Variants in PEG3 observed in about 807,000 individuals in gnomAD.
PEG3 encodes the protein paternally-expressed gene 3 protein.
A neutral mutation model predicts 35.5 loss-of-function variants in PEG3; 23 were observed. The observed-to-expected ratio is 0.65, with a 90% CI of 0.47 to 0.92. The LOEUF (loss-of-function observed/expected upper bound fraction) is 0.92. Among genes scored for constraint, PEG3 ranks in the 40% least tolerant of loss-of-function variants. PEG3 has a pLI of 0.00. For missense variants in PEG3, 1,960 were observed against 1,985.3 expected (o/e 0.99, Z 0.24); for synonymous variants, 707 against 697.0 (o/e 1.01, Z -0.23).
At chr19:56,817,678 G>T in intron 9 of PEG3, 68 bp downstream of exon 9, 1 of 1,542,632 alleles carries the variant, frequency 6.5e-7, no homozygotes, top group Non-Finnish European at 9.0e-7. Context: ...GGAATGCAAA[G>T]TGTAGAAGTT....
chr19:56,837,660 C>T (rs934873474), intron 1 of PEG3, among the ~76,000 whole-genome samples: 2 of 152,344 alleles, frequency 1.3e-5, no homozygotes. Flanking sequence ...GTGCAGCCCG[C>T]GGTCACTCAG....
intron 8 of PEG3, 93 bp from the exon 9 acceptor site, chr19:56,817,928 T>A: frequency 1.0e-6 from 1 of 976,256 alleles, no homozygotes; most frequent in Non-Finnish European, 1.6e-6. Flanking sequence ...ACTGAGCCAC[T>A]AAATATGAGG....
At chr19:56,824,206 C>T (rs1203551602) in intron 4 of PEG3, 56 bp downstream of exon 4, 5 of 1,578,788 alleles carry the variant, frequency 3.2e-6, no homozygotes, top group African/African-American at 2.7e-5. Context: ...AGGCTGAGAG[C>T]CCCAGGGGAC....
intron 2 of PEG3, chr19:56,833,212 C>T (rs1328050856): frequency 2.0e-6 from 1 of 512,274 alleles, no homozygotes; most frequent in Non-Finnish European, 3.9e-6. Flanking sequence ...GAGTCTCCTT[C>T]AGTCCCATTT....
At chr19:56,831,749 C>G (rs1475002423) in intron 2 of PEG3, among the ~76,000 whole-genome samples, 2 of 152,238 alleles carry the variant, frequency 1.3e-5, no homozygotes, top group Admixed American at 1.3e-4. Context: ...GCACTACATG[C>G]AGGTATTGCA....
chr19:56,825,429 G>A (rs750992792), intron 3 of PEG3, among the ~76,000 whole-genome samples: 25 of 152,170 alleles, frequency 1.6e-4, no homozygotes, highest in Non-Finnish European at 2.6e-4. Flanking sequence ...TAAAAGAACC[G>A]GCTTTCTGTT....
intron 2 of PEG3, among the ~76,000 whole-genome samples, chr19:56,834,130 T>C (rs147876352): frequency 6.6e-4 from 100 of 152,338 alleles, no homozygotes; most frequent in Middle Eastern, 3.4e-3. Context: ...TATTTGACTA[T>C]ATTCTAATAA....
intron 3 of PEG3, among the ~76,000 whole-genome samples, chr19:56,826,054 G>A (rs1013338593): frequency 1.3e-5 from 2 of 152,150 alleles, no homozygotes; most frequent in African/African-American, 4.8e-5. Context: ...AGACCTTAGC[G>A]ACTGGACTAT....
At chr19:56,822,658 A>G in intron 6 of PEG3, 95 bp downstream of exon 6, 1 of 1,510,212 alleles carries the variant, frequency 6.6e-7, no homozygotes, top group Non-Finnish European at 9.0e-7. Context: ...CAAATGGAGC[A>G]GCAGAAACTT....
At chr19:56,818,510 G>C in intron 8 of PEG3, 90 bp downstream of exon 8, 1 of 1,311,032 alleles carries the variant, frequency 7.6e-7, no homozygotes, top group Non-Finnish European at 1.1e-6. Context: ...ATATATTAAT[G>C]TGGACTCTAA....
chr19:56,825,261 A>C (rs1421007661), intron 3 of PEG3, among the ~76,000 whole-genome samples: 1 of 152,228 alleles, frequency 6.6e-6, no homozygotes, highest in Middle Eastern at 3.2e-3. Context: ...ACAGTATACA[A>C]CATGTAAAAA....
In PEG3 at chr19:56,814,516, T is replaced by C; in HGVS notation, c.3926A>G (p.Tyr1309Cys). The C allele has an allele frequency of 6.2e-7, 1 of 1,614,042 alleles. No individual in the cohort carries two copies. Among genetic ancestry groups the C allele is most frequent in the Non-Finnish European group, 8.5e-7 (1 of 1,179,936 alleles). ...DHVTVHKNEPYEYGSSYTHTS... is the reference protein window; with the variant it reads ...DHVTVHKNEPCEYGSSYTHTS... ...GTGAGTATAGGAGGACCCGTACTCATAGGGCTCATTCTTATGAACAGTTAC... is the reference window on the plus strand; with the variant it reads ...GTGAGTATAGGAGGACCCGTACTCACAGGGCTCATTCTTATGAACAGTTAC... The change falls in exon 10 of 10, where the codon TAT becomes TGT. Residue 1309 changes from tyrosine to cysteine, a missense_variant. By Grantham distance (194) the Tyr-to-Cys change is radical (BLOSUM62 -2). Transcript: ENST00000326441. This position sits in a 1 kb window ranked among gnomAD's most constrained non-coding sequence, Gnocchi z 5.8.
chr19:56,831,870 G>A (rs1418798964), intron 2 of PEG3, among the ~76,000 whole-genome samples: 1 of 152,088 alleles, frequency 6.6e-6, no homozygotes. Context: ...TCCCATTTAC[G>A]TGTACACAGA....
chr19:56,831,470 A>G (rs1442404323), intron 2 of PEG3, among the ~76,000 whole-genome samples: 2 of 152,236 alleles, frequency 1.3e-5, no homozygotes, highest in African/African-American at 4.8e-5. Flanking sequence ...TGACGTTAGG[A>G]AAGGCCAATA....
At position 56,823,594 on chromosome 19, in the gene PEG3, G is replaced by T; in HGVS notation, c.480C>A (p.Phe160Leu). The change falls in exon 5 of 10, where the codon TTC (phenylalanine) becomes TTA (leucine). Residue 160 changes from phenylalanine (F) to leucine (L), a missense_variant and splice_region_variant. By Grantham distance (22) the Phe-to-Leu change is conservative. Coordinates refer to ENST00000326441, the MANE Select transcript of PEG3 (RefSeq NM_006210.3). Reference sequence around the variant, plus strand: ...CCAGTGGGGATGGGTACTCACCACTGAAAGAATGGACTGAGTGAGGTGGTG... The same window carrying T: ...CCAGTGGGGATGGGTACTCACCACTTAAAGAATGGACTGAGTGAGGTGGTG... ...ESSPPHSVHSFSDRDWDRRGR... is the reference protein window; with the variant it reads ...ESSPPHSVHSLSDRDWDRRGR... 1 of 1,614,144 alleles carries T rather than the reference G, an allele frequency of 6.2e-7. No homozygotes were observed. The highest frequency in any genetic ancestry group is 1.1e-5 in the South Asian group (1 of 91,086).
chr19:56,838,010 C>T (rs902539761), intron 1 of PEG3, among the ~76,000 whole-genome samples: 1 of 152,224 alleles, frequency 6.6e-6, no homozygotes, highest in African/African-American at 2.4e-5. Flanking sequence ...AGCAGACCCT[C>T]CCTCAGAACC....
intron 2 of PEG3, among the ~76,000 whole-genome samples, chr19:56,834,035 G>C (rs1326264335): frequency 1.3e-5 from 2 of 152,148 alleles, no homozygotes; most frequent in Non-Finnish European, 2.9e-5. Context: ...ATATCTAAGA[G>C]TTCAGTCTTA....
In PEG3 at chr19:56,811,381, A is replaced by G. The variant is rs893590878; in HGVS notation, c.*2294T>C. On this transcript the variant is annotated 3_prime_UTR_variant, in exon 10 of 10. Coordinates refer to ENST00000326441, the MANE Select transcript of PEG3 (RefSeq NM_006210.3). ...GTTGAGTTATAACTGTAGTATAAATATACTTTCGTGTCCTGCTTTCTCCAC... is the reference window on the plus strand; with the variant it reads ...GTTGAGTTATAACTGTAGTATAAATGTACTTTCGTGTCCTGCTTTCTCCAC... 1 of 877,372 alleles carries G rather than the reference A, an allele frequency of 1.1e-6. No individual in the cohort carries two copies. Among genetic ancestry groups the G allele is most frequent in the East Asian group, 1.2e-4 (1 of 8,334 alleles). The allele number at this position is 877,372 out of a possible 1,614,324, so 54.3% of individuals were successfully genotyped here.
rs774385230 is a variant in PEG3, at chr19:56,815,127, T to A, written c.3315A>T (p.Lys1105Asn). 96 of 1,613,732 alleles carry A rather than the reference T, an allele frequency of 5.9e-5. No individual in the cohort carries two copies. Among genetic ancestry groups the A allele is most frequent in the Non-Finnish European group, 9.3e-6 (11 of 1,179,880 alleles). Residue 1105 changes from lysine (K) to asparagine (N), a missense_variant, in exon 10 of 10, where the codon AAA becomes AAT. Lys to Asn is a moderately conservative substitution (Grantham distance 94). Coordinates refer to ENST00000326441, the MANE Select transcript of PEG3 (RefSeq NM_006210.3). The part of the protein sequence containing the change: ...EDPQKDDPDD[K>N]IYECEDCGLG... ...GGCCACAGTCCTCACATTCATAGAT[T>A]TTGTCATCAGGGTCATCCTTCTGAG... is the stretch of plus-strand genomic sequence containing the variant.
Sources: gnomAD v4.1 joint callset for allele counts (sites outside exome capture counted in the v4.1 genomes callset) on GRCh38, gnomAD v4.1.1 for gene constraint, Gnocchi (gnomAD v3.1) non-coding constraint, MANE v1.5 for transcripts, NCBI Gene and HGNC (gene_info 2026-07-23, HGNC 2026-07-21) for gene names.